The following ROBO1 variants were observed in gnomAD, a reference collection of about 807,000 sequenced individuals.
ROBO1 encodes the protein roundabout homolog 1.
In ROBO1, 149 loss-of-function variants were observed where a neutral mutation model predicts 195.9. That is an observed-to-expected ratio of 0.76 (90% CI 0.67 to 0.87). The LOEUF is 0.87. Ranked by LOEUF, ROBO1 falls within the 40% of genes least tolerant of loss-of-function variation. The pLI is 0.00. For missense variants in ROBO1, 1,933 were observed against 2,068.3 expected, an observed-to-expected ratio of 0.93 and a Z score of 1.27; for synonymous variants, 816 against 733.2, an observed-to-expected ratio of 1.11 and a Z score of -1.82.
chr3:79,388,109 T>C (rs1319692956), intron 2 of ROBO1, among the ~76,000 whole-genome samples: 1 of 152,154 alleles, frequency 6.6e-6, no homozygotes, highest in Non-Finnish European at 1.5e-5. Flanking sequence ...ACTGATCTTT[T>C]ATAGTGAAAC....
intron 2 of ROBO1, among the ~76,000 whole-genome samples, chr3:79,576,563 A>G (rs1176768989): frequency 1.3e-5 from 2 of 152,120 alleles, no homozygotes; most frequent in Non-Finnish European, 2.9e-5. Context: ...AAATCATTTC[A>G]AGTTTCCCAA....
chr3:78,956,881 C>T (rs967162872), intron 3 of ROBO1, among the ~76,000 whole-genome samples: 6 of 152,104 alleles, frequency 3.9e-5, no homozygotes, highest in South Asian at 4.1e-4. Context: ...AAACCTGAAA[C>T]GTGAACACAG....
At chr3:79,495,767 A>G (rs1939696132) in intron 2 of ROBO1, among the ~76,000 whole-genome samples, 1 of 152,170 alleles carries the variant, frequency 6.6e-6, no homozygotes, top group South Asian at 2.1e-4. Context: ...CTTTTTCCTT[A>G]TATCTCAGTT....
intron 4 of ROBO1, among the ~76,000 whole-genome samples, chr3:78,877,511 TCAAA>T (rs1383109417): frequency 6.6e-6 from 1 of 151,314 alleles, no homozygotes; most frequent in Non-Finnish European, 1.5e-5. Flanking sequence ...AGAAAAAAAA[TCAAA>T]CAGATATTCA....
intron 4 of ROBO1, among the ~76,000 whole-genome samples, chr3:78,776,494 C>G (rs907624765): frequency 2.6e-5 from 4 of 152,194 alleles, no homozygotes; most frequent in Admixed American, 6.5e-5. Context: ...ACGTGATCCA[C>G]CCACCTTGGC....
At chr3:79,139,282 T>G (rs775465527) in intron 2 of ROBO1, among the ~76,000 whole-genome samples, 1 of 152,152 alleles carries the variant, frequency 6.6e-6, no homozygotes, top group Non-Finnish European at 1.5e-5. Context: ...AAGAAGCTAT[T>G]AATTCATTTC....
rs1441376872 is a variant in ROBO1 at position 78,860,325 on chromosome 3, TA to T, written c.499+78275del. ...TACTATATATATATATATATATATA[TA>T]TTTTTTTTTTTTTACTCATAAGGTG... On this transcript the variant is annotated intron_variant, in intron 4 of 30. Transcript: ENST00000464233. Among the ~76,000 whole-genome samples, 216 of 72,648 alleles carry T rather than the reference TA, an allele frequency of 3.0e-3. 2 individuals are homozygous for T. The highest frequency in any genetic ancestry group is 6.9e-3 in the African/African-American group (115 of 16,588). 47.7% of individuals were successfully genotyped at this position (72,648 alleles called of 152,430 possible). A position where few individuals can be genotyped will look rare whatever the true frequency, so the allele number is the denominator to read the frequency against.
At chr3:79,039,801 CAAAAAA>C (rs1214691931) in intron 3 of ROBO1, among the ~76,000 whole-genome samples, 1 of 51,314 alleles carries the variant, frequency 1.9e-5, no homozygotes, top group African/African-American at 8.5e-5. Flanking sequence ...GACTCCGTCT[CAAAAAA>C]AAAAAAAAAA....
rs967798559 is a variant in ROBO1 at position 79,025,940 on chromosome 3, C to A, written c.173-87013G>T. 3.8e-4 allele frequency among the ~76,000 whole-genome samples: 58 copies of A among 152,146 alleles called. 1 individual carries two copies. The highest frequency in any genetic ancestry group is 1.4e-3 in the African/African-American group (57 of 41,444). On this transcript the variant is annotated intron_variant, in intron 3 of 30. Transcript: ENST00000464233. ...TTCTCTAAATTGCTAGAAAACACTT[C>A]TTTCTACCAGAATAATCAGCAATTC...
intron 5 of ROBO1, among the ~76,000 whole-genome samples, chr3:78,733,110 G>C (rs1473474471): frequency 6.6e-6 from 1 of 152,134 alleles, no homozygotes; most frequent in Non-Finnish European, 1.5e-5. Flanking sequence ...ATCAGCATTT[G>C]ATTGAGGAGA....
chr3:79,627,582 T>C (rs1377862171), intron 1 of ROBO1, among the ~76,000 whole-genome samples: 2 of 152,132 alleles, frequency 1.3e-5, no homozygotes, highest in Admixed American at 1.3e-4. Flanking sequence ...ATTTAGGACA[T>C]AGGCATATGC....
chr3:79,483,822 G>T (rs77649865), intron 2 of ROBO1, among the ~76,000 whole-genome samples: 1 of 152,016 alleles, frequency 6.6e-6, no homozygotes, highest in South Asian at 2.1e-4. Flanking sequence ...GACGGGGTTG[G>T]GGGTGGGGGA....
intron 1 of ROBO1, among the ~76,000 whole-genome samples, chr3:79,655,655 A>C (rs912661179): frequency 1.3e-5 from 2 of 152,104 alleles, no homozygotes; most frequent in Non-Finnish European, 2.9e-5. Flanking sequence ...TTAATTAATA[A>C]ATAAGAGAAT....
intron 14 of ROBO1, 104 bp downstream of exon 14, chr3:78,667,779 A>C: frequency 3.4e-6 from 4 of 1,164,896 alleles, no homozygotes; most frequent in Non-Finnish European, 4.8e-6. Flanking sequence ...TGAACAACAC[A>C]CTGTAAATGT....
chr3:79,473,081 C>A lies in ROBO1; in HGVS notation c.88+116743G>T, dbSNP rs140626282. On this transcript the variant is annotated intron_variant, in intron 2 of 30. Transcript: ENST00000464233. Reference sequence around the variant, plus strand: ...ATATACCCAAGTCTAACCTCTAGTACCTGTGAATGAAACCCTATTTGAAAG... The same window carrying A: ...ATATACCCAAGTCTAACCTCTAGTAACTGTGAATGAAACCCTATTTGAAAG... 6.1e-3 allele frequency among the ~76,000 whole-genome samples: 926 copies of A among 152,178 alleles called. 9 individuals are homozygous for A. Among genetic ancestry groups the A allele is most frequent in the Non-Finnish European group, 0.011 (743 of 67,988 alleles).
intron 3 of ROBO1, among the ~76,000 whole-genome samples, chr3:78,993,660 A>G (rs918811647): frequency 6.6e-6 from 1 of 152,084 alleles, no homozygotes; most frequent in Non-Finnish European, 1.5e-5. Flanking sequence ...ATCACACCAG[A>G]TCGGGTGGCT....
At chr3:79,512,294 C>A (rs1439489611) in intron 2 of ROBO1, among the ~76,000 whole-genome samples, 1 of 151,966 alleles carries the variant, frequency 6.6e-6, no homozygotes, top group Non-Finnish European at 1.5e-5. Flanking sequence ...TGAAAAAAGA[C>A]CCAGTATTAT....
rs376079523 is a variant in ROBO1, at chr3:78,717,883, T to C, written c.658A>G (p.Ile220Val). The C allele has an allele frequency of 2.5e-6, 4 of 1,612,256 alleles. No homozygotes were observed. Among genetic ancestry groups the C allele is most frequent in the Non-Finnish European group, 3.4e-6 (4 of 1,179,266 alleles). The part of the protein sequence containing the change: ...PLDDKDERIT[I>V]RGGKLMITYT... ...GTGATCATGAGCTTTCCTCCTCGTATCTTAAAAAAAAAGTTTCACAGGAAT... is the reference window on the plus strand; with the variant it reads ...GTGATCATGAGCTTTCCTCCTCGTACCTTAAAAAAAAAGTTTCACAGGAAT... The change falls in exon 6 of 31, where the codon ATA (isoleucine) becomes GTA (valine). Residue 220 changes from isoleucine to valine, a missense_variant and splice_region_variant. By Grantham distance (29) the Ile-to-Val change is conservative (BLOSUM62 3). Around this residue, in one of 3 missense-constraint regions of ROBO1, gnomAD observed 1,737 missense variants for 1,882.5 expected, o/e 0.92. Coordinates refer to ENST00000464233, the MANE Select transcript of ROBO1 (RefSeq NM_002941.4).
chr3:79,058,328 C>A (rs1297092344), intron 3 of ROBO1, among the ~76,000 whole-genome samples: 1 of 152,038 alleles, frequency 6.6e-6, no homozygotes, highest in Non-Finnish European at 1.5e-5. Flanking sequence ...GAACAAAAAT[C>A]ATCATTCTAC....
Sources: gnomAD v4.1 joint callset for allele counts (sites outside exome capture counted in the v4.1 genomes callset) on GRCh38, gnomAD v4.1.1 for gene constraint, gnomAD v4.1.1 regional missense constraint, MANE v1.5 for transcripts, NCBI Gene and HGNC (gene_info 2026-07-23, HGNC 2026-07-21) for gene names.